CD82: variants seen among roughly 807,000 people sequenced by gnomAD.
CD82 encodes CD82 antigen.
Under a neutral mutation model 37.4 loss-of-function variants are expected in CD82, and 36 were observed. The observed-to-expected ratio is 0.96, with a 90% CI of 0.74 to 1.27. The LOEUF (loss-of-function observed/expected upper bound fraction) is 1.27, where lower values mean the gene tolerates loss of function less well. Ranked by LOEUF, CD82 falls within the 50% of genes most tolerant of loss-of-function variation. The pLI, the probability that CD82 is intolerant of heterozygous loss-of-function variation, is 0.00. For missense variants in CD82, 340 were observed against 347.0 expected, an observed-to-expected ratio of 0.98 and a Z score of 0.16; for synonymous variants, 158 against 137.4, an observed-to-expected ratio of 1.15 and a Z score of -1.05.
intron 1 of CD82, among the ~76,000 whole-genome samples, chr11:44,571,300 A>G (rs970737513): frequency 8.6e-5 from 13 of 151,718 alleles, no homozygotes; most frequent in African/African-American, 1.9e-4. Flanking sequence ...GGCCTGGGGG[A>G]GTGGGGAAGA....
At chr11:44,575,213 G>A (rs1852873349) in intron 1 of CD82, among the ~76,000 whole-genome samples, 2 of 152,246 alleles carry the variant, frequency 1.3e-5, no homozygotes, top group African/African-American at 4.8e-5. Flanking sequence ...AGGAGATGGA[G>A]AAAGGCAGAT....
intron 1 of CD82, among the ~76,000 whole-genome samples, chr11:44,576,531 C>T (rs573970900): frequency 4.6e-5 from 7 of 152,286 alleles, no homozygotes; most frequent in Admixed American, 1.3e-4. Context: ...CTGCCCCACC[C>T]GCCATCCACG....
At chr11:44,609,344 G>T (rs534951132) in intron 6 of CD82, among the ~76,000 whole-genome samples, 1 of 152,282 alleles carries the variant, frequency 6.6e-6, no homozygotes, top group East Asian at 1.9e-4. Flanking sequence ...AATGCAGTTT[G>T]CCCTTTCCTG....
chr11:44,568,994 G>A (rs1852777455), intron 1 of CD82, among the ~76,000 whole-genome samples: 1 of 152,242 alleles, frequency 6.6e-6, no homozygotes, highest in South Asian at 2.1e-4. Context: ...CTCACAGGGG[G>A]CGGTTATGAC....
chr11:44,617,475 T>G (rs1853581074), intron 7 of CD82, among the ~76,000 whole-genome samples: 1 of 149,930 alleles, frequency 6.7e-6, no homozygotes, highest in Non-Finnish European at 1.5e-5. Flanking sequence ...AGGAGAATCG[T>G]TTGAACCCTG....
Position 44,615,437 on chromosome 11 carries a change from G to T in CD82, c.438+64G>T. ...GGTGTCCCTGCATTTGGGGCTCTGT[G>T]CACCCACATGTCTGGGACTGGCATC... On this transcript the variant is annotated intron_variant, in intron 7 of 9. Coordinates refer to ENST00000227155, the MANE Select transcript of CD82 (RefSeq NM_002231.4). 4 of 961,868 alleles carry T rather than the reference G, an allele frequency of 4.2e-6. No homozygotes were observed. In the South Asian group the frequency reaches 5.3e-5, roughly 13 times the overall value. 59.6% of individuals were successfully genotyped at this position (961,868 alleles called of 1,614,324 possible). A position where few individuals can be genotyped will look rare whatever the true frequency, so the allele number is the denominator to read the frequency against.
chr11:44,616,489 A>G (rs891030511), intron 7 of CD82, among the ~76,000 whole-genome samples: 4 of 152,154 alleles, frequency 2.6e-5, no homozygotes, highest in African/African-American at 9.7e-5. Flanking sequence ...GGGAGGTGGT[A>G]AGCATCCTAC....
At chr11:44,581,137 C>T (rs535228614) in intron 1 of CD82, among the ~76,000 whole-genome samples, 1 of 152,286 alleles carries the variant, frequency 6.6e-6, no homozygotes, top group East Asian at 1.9e-4. Flanking sequence ...GAAGCTGGGC[C>T]CTAAAACCCA....
chr11:44,574,651 C>A (rs903539474), intron 1 of CD82, among the ~76,000 whole-genome samples: 5 of 152,128 alleles, frequency 3.3e-5, no homozygotes, highest in African/African-American at 4.8e-5. Flanking sequence ...AAGAACAGAC[C>A]TGCAGGAGGA....
chr11:44,601,117 C>T (rs1326275662), intron 4 of CD82, among the ~76,000 whole-genome samples: 3 of 152,136 alleles, frequency 2.0e-5, no homozygotes, highest in African/African-American at 7.2e-5. Context: ...GGAGGCACAG[C>T]GGAAGCCCCC....
At chr11:44,611,544 C>G (rs2134685569) in intron 6 of CD82, among the ~76,000 whole-genome samples, 1 of 152,350 alleles carries the variant, frequency 6.6e-6, no homozygotes, top group South Asian at 2.1e-4. Context: ...GGGGCCTCCT[C>G]AGCTCCATGG....
rs1343787217 is a variant in CD82 at position 44,619,221 on chromosome 11, C to T, written c.*95C>T. ...TCCTCCAGGCCTGCCTCCCACTTCACTGCGAAGACCCTCTTGCCCATCCTG... is the reference window on the plus strand; with the variant it reads ...TCCTCCAGGCCTGCCTCCCACTTCATTGCGAAGACCCTCTTGCCCATCCTG... On this transcript the variant is annotated 3_prime_UTR_variant, in exon 10 of 10. Transcript: ENST00000227155. The T allele has an allele frequency of 8.2e-6, 8 of 979,846 alleles. No individual in the cohort carries two copies. The East Asian group carries it at 1.7e-4, about 20-fold the overall frequency. 60.7% of individuals were successfully genotyped at this position (979,846 alleles called of 1,614,324 possible). A position where few individuals can be genotyped will look rare whatever the true frequency, so the allele number is the denominator to read the frequency against.
intron 1 of CD82, among the ~76,000 whole-genome samples, chr11:44,566,879 A>T (rs1339304824): frequency 6.6e-6 from 1 of 151,730 alleles, no homozygotes; most frequent in African/African-American, 2.4e-5. Context: ...CACCAACATC[A>T]CTCTATTTGA....
chr11:44,613,611 T>G (rs974780620), intron 6 of CD82, among the ~76,000 whole-genome samples: 15 of 151,950 alleles, frequency 9.9e-5, no homozygotes, highest in African/African-American at 3.6e-4. Context: ...TCACTTGAGG[T>G]CAGGAGTTCG....
chr11:44,618,720 C>G lies in CD82; in HGVS notation c.723C>G (p.Ile241Met), dbSNP rs150062713. 3.7e-6 allele frequency: 6 copies of G among 1,612,256 alleles called. No homozygotes were observed. The Admixed American group carries it at 5.0e-5, about 13-fold the overall frequency. Residue 241 changes from isoleucine (I) to methionine (M), a missense_variant, in exon 9 of 10, where the codon ATC (isoleucine) becomes ATG (methionine). By Grantham distance (10) the Ile-to-Met change is conservative. Transcript: ENST00000227155. ...GCGTGGGCGTGGGTGTGGCCATCAT[C>G]GAGGTCTGAGCCCCCTCCCCCATCC... ...ILGVGVGVAI[I>M]ELLGMVLSIC...
At chr11:44,586,679 A>T (rs1302598271) in intron 1 of CD82, among the ~76,000 whole-genome samples, 1 of 152,154 alleles carries the variant, frequency 6.6e-6, no homozygotes, top group East Asian at 1.9e-4. Context: ...TATACATTTT[A>T]AAAAATCCTG....
rs1387212437 is a variant in CD82, at chr11:44,597,869, C to T, written c.64-2289C>T. On this transcript the variant is annotated intron_variant, in intron 3 of 9. Coordinates refer to ENST00000227155, the MANE Select transcript of CD82 (RefSeq NM_002231.4). The surrounding 1 kb of genome is among the most constrained non-coding windows in gnomAD (Gnocchi z 4.1). Reference sequence around the variant, plus strand: ...GGGTTGCAGGTCTTGGGGAACCAAACTCCCAGGTCCTGGAAAGCCCCCATT... The same window carrying T: ...GGGTTGCAGGTCTTGGGGAACCAAATTCCCAGGTCCTGGAAAGCCCCCATT... Among the ~76,000 whole-genome samples, 2 of 152,080 alleles carry T rather than the reference C, an allele frequency of 1.3e-5. No homozygotes were observed. The highest frequency in any genetic ancestry group is 4.8e-5 in the African/African-American group (2 of 41,406).
At chr11:44,583,527 T>A (rs1163047109) in intron 1 of CD82, among the ~76,000 whole-genome samples, 2 of 152,016 alleles carry the variant, frequency 1.3e-5, no homozygotes, top group Non-Finnish European at 2.9e-5. Context: ...TGGGGTAGGG[T>A]CAGGGGATCA....
intron 7 of CD82, among the ~76,000 whole-genome samples, chr11:44,615,698 A>G (rs1853554801): frequency 6.6e-6 from 1 of 152,188 alleles, no homozygotes; most frequent in Non-Finnish European, 1.5e-5. Flanking sequence ...ACTGGGAGCC[A>G]AGGCTGATAT....
Sources: gnomAD v4.1 joint callset for allele counts (sites outside exome capture counted in the v4.1 genomes callset) on GRCh38, gnomAD v4.1.1 for gene constraint, Gnocchi (gnomAD v3.1) non-coding constraint, MANE v1.5 for transcripts, NCBI Gene and HGNC (gene_info 2026-07-23, HGNC 2026-07-21) for gene names.